The following IPPK variants were observed in gnomAD, a reference collection of about 807,000 sequenced individuals.
IPPK encodes inositol-pentakisphosphate 2-kinase, also known as IPK1 homolog.
A neutral mutation model predicts 64.6 loss-of-function variants in IPPK; 22 were observed. The ratio of observed to expected loss-of-function variants is 0.34; its 90% confidence interval spans 0.24 to 0.49. The LOEUF is 0.49. Ranked by LOEUF, IPPK falls within the 20% of genes least tolerant of loss-of-function variation. IPPK has a pLI of 0.99. For missense variants in IPPK, 532 were observed against 630.7 expected (o/e 0.84, Z 1.68); for synonymous variants, 262 against 247.2 (o/e 1.06, Z -0.56).
intron 1 of IPPK, among the ~76,000 whole-genome samples, chr9:92,660,433 G>A (rs1274910890): frequency 6.6e-6 from 1 of 152,300 alleles, no homozygotes; most frequent in African/African-American, 2.4e-5. Flanking sequence ...CAGGGGCCAA[G>A]CTTACTCACC....
chr9:92,641,855 A>T (rs530724882), intron 7 of IPPK, among the ~76,000 whole-genome samples: 1 of 152,330 alleles, frequency 6.6e-6, no homozygotes, highest in East Asian at 1.9e-4. Flanking sequence ...CAGTGGAGCG[A>T]GAAAAACCGG....
At chr9:92,661,946 G>T (rs1446048123) in intron 1 of IPPK, among the ~76,000 whole-genome samples, 1 of 152,196 alleles carries the variant, frequency 6.6e-6, no homozygotes, top group Non-Finnish European at 1.5e-5. Flanking sequence ...CAGGCAGCTG[G>T]CAGGAAACAG....
intron 12 of IPPK, chr9:92,618,704 C>T (rs749235651): frequency 3.9e-5 from 15 of 379,820 alleles, no homozygotes; most frequent in South Asian, 2.0e-4. Flanking sequence ...CTATAATGTT[C>T]CTCAGTATTT....
Position 92,638,190 on chromosome 9 carries a change from GGAA to G in IPPK, c.724_726del (p.Phe242del), listed in dbSNP as rs1851980763. 1.2e-6 allele frequency: 2 copies of G among 1,614,252 alleles called. No individual in the cohort carries two copies. The highest frequency in any genetic ancestry group is 1.7e-6 in the Non-Finnish European group (2 of 1,180,036). ...GGCCCACTGGCCAGGCCGTTGGAAGGGAAGAAGAACGGCTTCAGGTGGTGTGCA... is the reference window on the plus strand; with the variant it reads ...GGCCCACTGGCCAGGCCGTTGGAAGGGAAGAACGGCTTCAGGTGGTGTGCA... On this transcript the variant is annotated inframe_deletion, in exon 9 of 13. Coordinates refer to ENST00000287996, the MANE Select transcript of IPPK (RefSeq NM_022755.6).
At position 92,614,632 on chromosome 9, in the gene IPPK, T is replaced by A. The variant is rs1202825660; in HGVS notation, c.*1200A>T. 1 of 152,644 alleles carries A rather than the reference T, an allele frequency of 6.6e-6. No individual in the cohort carries two copies. 9.5% of individuals were successfully genotyped at this position (152,644 alleles called of 1,614,324 possible). A position where few individuals can be genotyped will look rare whatever the true frequency, so the allele number is the denominator to read the frequency against. On this transcript the variant is annotated 3_prime_UTR_variant, in exon 13 of 13. Transcript: ENST00000287996. ...AAAAATTTACAATCAGCAAAATAGT[T>A]TCCTTATTTCTCATGTATCATTTTC...
chr9:92,649,445 C>G lies in IPPK; in HGVS notation c.414+8G>C. On this transcript the variant is annotated splice_region_variant and intron_variant, in intron 5 of 12. Coordinates refer to ENST00000287996, the MANE Select transcript of IPPK (RefSeq NM_022755.6). Reference sequence around the variant, plus strand: ...TTTACCCACACCATCTGCCCCTCGACAGGTCACCTTAATCTCTACACACAG... The same window carrying G: ...TTTACCCACACCATCTGCCCCTCGAGAGGTCACCTTAATCTCTACACACAG... 1 of 1,614,042 alleles carries G rather than the reference C, an allele frequency of 6.2e-7. No individual in the cohort carries two copies. Among genetic ancestry groups the G allele is most frequent in the Non-Finnish European group, 8.5e-7 (1 of 1,179,946 alleles).
In IPPK at chr9:92,635,213, G is replaced by C; in HGVS notation, c.1012C>G (p.Leu338Val). The C allele has an allele frequency of 6.2e-7, 1 of 1,614,240 alleles. No homozygotes were observed. The highest frequency in any genetic ancestry group is 1.1e-5 in the South Asian group (1 of 91,086). ...QMLDLLDIEGLYPLYNRVERY... is the reference protein window; with the variant it reads ...QMLDLLDIEGVYPLYNRVERY... ...TCAACCCGGTTGTACAGAGGGTAGA[G>C]GCCTTCGATGTCCAGCAGGTCCAAC... Residue 338 changes from leucine to valine, a missense_variant, in exon 10 of 13, where the codon CTC (leucine) becomes GTC (valine). Coordinates refer to ENST00000287996, the MANE Select transcript of IPPK (RefSeq NM_022755.6). The surrounding 1 kb of genome is among the most constrained non-coding windows in gnomAD (Gnocchi z 4.4).
chr9:92,619,952 C>G (rs980472372), intron 11 of IPPK: 6 of 251,994 alleles, frequency 2.4e-5, no homozygotes, highest in Non-Finnish European at 4.9e-5. Context: ...GAGTATCACT[C>G]GACACCTGCA....
chr9:92,656,890 A>G (rs956923994), intron 2 of IPPK, among the ~76,000 whole-genome samples: 9 of 152,268 alleles, frequency 5.9e-5, no homozygotes, highest in Middle Eastern at 3.4e-3. Flanking sequence ...CCGACATCTC[A>G]CATCTCAATC....
At chr9:92,654,740 A>G (rs1363123219) in intron 3 of IPPK, among the ~76,000 whole-genome samples, 1 of 152,184 alleles carries the variant, frequency 6.6e-6, no homozygotes, top group Non-Finnish European at 1.5e-5. Context: ...GAGATGTGGG[A>G]GGACCTCCAG....
At position 92,613,983 on chromosome 9, in the gene IPPK, A is replaced by G. The variant is rs933072188; in HGVS notation, c.*1849T>C. 3 of 152,314 alleles carry G rather than the reference A, an allele frequency of 2.0e-5. No homozygotes were observed. Among genetic ancestry groups the G allele is most frequent in the African/African-American group, 4.8e-5 (2 of 41,462 alleles). 9.4% of individuals were successfully genotyped at this position (152,314 alleles called of 1,614,324 possible). ...GACGGGCCAGAAACGCATCCACAGC[A>G]GTGGCACCCGCGGCTCAGGGGCTCC... On this transcript the variant is annotated 3_prime_UTR_variant, in exon 13 of 13. Transcript: ENST00000287996.
intron 1 of IPPK, among the ~76,000 whole-genome samples, chr9:92,661,305 G>A (rs1458400810): frequency 6.6e-6 from 1 of 152,230 alleles, no homozygotes; most frequent in African/African-American, 2.4e-5. Context: ...CAAAGGTCAA[G>A]GTCATGTGGG....
chr9:92,626,489 T>C (rs1345107360), intron 11 of IPPK, among the ~76,000 whole-genome samples: 2 of 151,970 alleles, frequency 1.3e-5, no homozygotes, highest in African/African-American at 2.4e-5. Context: ...AACTGGAAGA[T>C]AGAGCTGAAA....
chr9:92,619,568 G>A lies in IPPK; in HGVS notation c.1171-3C>T. 1.3e-6 allele frequency: 2 copies of A among 1,574,682 alleles called. No individual in the cohort carries two copies. Among genetic ancestry groups the A allele is most frequent in the Non-Finnish European group, 1.7e-6 (2 of 1,159,668 alleles). On this transcript the variant is annotated splice_polypyrimidine_tract_variant and splice_region_variant and intron_variant, in intron 11 of 12. Transcript: ENST00000287996. ...ATGGCGACGCGGTACTGCTGCACCTGCAGGGGCGGGAAAGATCAGCTCCAG... is the reference window on the plus strand; with the variant it reads ...ATGGCGACGCGGTACTGCTGCACCTACAGGGGCGGGAAAGATCAGCTCCAG...
At chr9:92,630,728 C>G (rs1851824142) in intron 11 of IPPK, among the ~76,000 whole-genome samples, 1 of 151,434 alleles carries the variant, frequency 6.6e-6, no homozygotes, top group African/African-American at 2.4e-5. Flanking sequence ...TTTGGAGAGA[C>G]AACTGGAATT....
At chr9:92,644,520 G>A (rs889424530) in intron 6 of IPPK, among the ~76,000 whole-genome samples, 2 of 152,198 alleles carry the variant, frequency 1.3e-5, no homozygotes, top group Non-Finnish European at 2.9e-5. Context: ...TTCCCGGAAA[G>A]ATCACACTTG....
chr9:92,651,936 T>G (rs1227383123), intron 4 of IPPK, among the ~76,000 whole-genome samples: 1 of 152,066 alleles, frequency 6.6e-6, no homozygotes, highest in African/African-American at 2.4e-5. Context: ...GAGAAGGTGT[T>G]TCACCATGTT....
At chr9:92,657,348 C>CAAA (rs548435995) in intron 2 of IPPK, among the ~76,000 whole-genome samples, 1 of 139,586 alleles carries the variant, frequency 7.2e-6, no homozygotes, top group Non-Finnish European at 1.6e-5. Flanking sequence ...GACTCTGTCT[C>CAAA]AAAAAAAAAA....
chr9:92,639,136 A>C (rs532770413), intron 8 of IPPK, among the ~76,000 whole-genome samples: 1 of 152,218 alleles, frequency 6.6e-6, no homozygotes, highest in Non-Finnish European at 1.5e-5. Flanking sequence ...ACAGCCTTCA[A>C]CTCCCAGGCT....
Sources: allele counts gnomAD v4.1 joint callset (sites outside exome capture counted in the v4.1 genomes callset), GRCh38; gene constraint gnomAD v4.1.1; non-coding constraint Gnocchi (gnomAD v3.1); transcripts MANE v1.5; gene names NCBI Gene and HGNC (gene_info 2026-07-23, HGNC 2026-07-21).